STXBP5L: variants seen among roughly 807,000 people sequenced by gnomAD.
STXBP5L encodes syntaxin-binding protein 5-like.
Under a neutral mutation model 144.5 loss-of-function variants are expected in STXBP5L, and 65 were observed. The observed-to-expected ratio is 0.45, with a 90% confidence interval of 0.37 to 0.55. The LOEUF is 0.55. Ranked by LOEUF, STXBP5L falls within the 20% of genes least tolerant of loss-of-function variation. STXBP5L has a pLI of 0.00. For missense variants in STXBP5L, 1,298 were observed against 1,405.5 expected, an observed-to-expected ratio of 0.92 and a Z score of 1.22; for synonymous variants, 505 against 469.6, an observed-to-expected ratio of 1.08 and a Z score of -0.97.
chr3:121,103,120 C>G (rs9884073), intron 5 of STXBP5L, among the ~76,000 whole-genome samples: 12,148 of 152,116 alleles, frequency 0.08, 698 homozygotes, highest in Non-Finnish European at 0.12. Flanking sequence ...TACTAGTTCA[C>G]CTACTGTGGA....
Position 120,908,213 on chromosome 3 carries a change from G to C in STXBP5L, c.-130G>C, listed in dbSNP as rs1245148677. ...AGCCTGCTCTGGAGCCTGACTGCTC[G>C]GTTAGGACCTCGGAGAGCGCCAGGC... On this transcript the variant is annotated 5_prime_UTR_variant, in exon 1 of 27. Coordinates refer to ENST00000471454, the MANE Select transcript of STXBP5L (RefSeq NM_001308330.2). 1.3e-5 allele frequency: 2 copies of C among 152,156 alleles called. No homozygotes were observed. The highest frequency in any genetic ancestry group is 4.8e-5 in the African/African-American group (2 of 41,440). The allele number at this position is 152,156 out of a possible 1,614,324, so 9.4% of individuals were successfully genotyped here. A position where few individuals can be genotyped will look rare whatever the true frequency, so the allele number is the denominator to read the frequency against.
chr3:121,279,595 C>T (rs2050987612), intron 18 of STXBP5L, among the ~76,000 whole-genome samples: 1 of 151,808 alleles, frequency 6.6e-6, no homozygotes, highest in Admixed American at 6.6e-5. Context: ...AATTGCCGAT[C>T]ATCCTTTTTT....
chr3:121,026,585 C>A (rs972376106), intron 3 of STXBP5L, among the ~76,000 whole-genome samples: 1 of 151,862 alleles, frequency 6.6e-6, no homozygotes, highest in Non-Finnish European at 1.5e-5. Flanking sequence ...ATGACCTTAG[C>A]TAATGTAGTT....
rs1026324066 is a variant in STXBP5L, at chr3:120,978,873, G to T, written c.287+23836G>T. On this transcript the variant is annotated intron_variant, in intron 3 of 26. Transcript: ENST00000471454. The stretch of plus-strand genomic sequence containing the variant: ...GCAGAACAGCAGATTTTCGTGAACC[G>T]CGAATGCTGCTGTCTGATCGTTCCT... 5.3e-5 allele frequency among the ~76,000 whole-genome samples: 8 copies of T among 152,296 alleles called. No homozygotes were observed. The East Asian group carries it at 1.5e-3, about 29-fold the overall frequency.
At chr3:121,310,629 C>T (rs1239645730) in intron 19 of STXBP5L, among the ~76,000 whole-genome samples, 1 of 151,364 alleles carries the variant, frequency 6.6e-6, no homozygotes, top group Admixed American at 6.6e-5. Context: ...ACAAAAGAGG[C>T]CAGGCATGGT....
At chr3:121,316,860 C>T (rs1424858923) in intron 19 of STXBP5L, among the ~76,000 whole-genome samples, 1 of 152,110 alleles carries the variant, frequency 6.6e-6, no homozygotes, top group East Asian at 1.9e-4. Context: ...CACTGTTGTT[C>T]CACGTTACTT....
At chr3:120,971,982 A>T (rs1382268566) in intron 3 of STXBP5L, among the ~76,000 whole-genome samples, 1 of 152,070 alleles carries the variant, frequency 6.6e-6, no homozygotes, top group Admixed American at 6.6e-5. Context: ...CAGTGCTGTG[A>T]CCTACTGTGA....
At chr3:120,964,870 G>T (rs567208692) in intron 3 of STXBP5L, among the ~76,000 whole-genome samples, 56 of 152,244 alleles carry the variant, frequency 3.7e-4, no homozygotes, top group African/African-American at 1.1e-3. Context: ...TGACAGTGGG[G>T]TGTTAAAATC....
intron 6 of STXBP5L, among the ~76,000 whole-genome samples, chr3:121,121,423 C>A (rs2044457396): frequency 6.6e-6 from 1 of 150,992 alleles, no homozygotes; most frequent in South Asian, 2.1e-4. Context: ...GTGTTTTAAC[C>A]CGATTTTTAA....
intron 11 of STXBP5L, among the ~76,000 whole-genome samples, chr3:121,226,962 A>G (rs1384318433): frequency 6.6e-6 from 1 of 152,206 alleles, no homozygotes; most frequent in Non-Finnish European, 1.5e-5. Context: ...CAAGCATTTT[A>G]GGCACATTTT....
intron 13 of STXBP5L, among the ~76,000 whole-genome samples, chr3:121,239,722 G>C (rs181007628): frequency 1.3e-4 from 14 of 109,704 alleles, no homozygotes; most frequent in Admixed American, 1.2e-3. Flanking sequence ...GTGGGGGGAG[G>C]GGGGAGGGAT....
intron 19 of STXBP5L, among the ~76,000 whole-genome samples, chr3:121,298,046 G>A (rs922254508): frequency 6.6e-6 from 1 of 152,096 alleles, no homozygotes; most frequent in African/African-American, 2.4e-5. Context: ...ATTTTTTGAT[G>A]AACCTCATTG....
intron 19 of STXBP5L, among the ~76,000 whole-genome samples, chr3:121,291,340 CCTAA>C (rs1252351117): frequency 2.0e-5 from 3 of 152,028 alleles, no homozygotes; most frequent in Admixed American, 6.6e-5. Flanking sequence ...TAGAAATTTA[CCTAA>C]CTAAGGAGGT....
intron 19 of STXBP5L, among the ~76,000 whole-genome samples, chr3:121,310,438 G>A (rs868134297): frequency 3.3e-5 from 5 of 152,062 alleles, no homozygotes; most frequent in Admixed American, 6.6e-5. Context: ...GTGAAACCCC[G>A]TCTCTACTAA....
intron 19 of STXBP5L, among the ~76,000 whole-genome samples, chr3:121,288,725 G>T (rs985201337): frequency 3.3e-5 from 5 of 152,062 alleles, no homozygotes; most frequent in African/African-American, 1.2e-4. Flanking sequence ...ATTTCTTACA[G>T]ATTCTGAGTA....
chr3:121,034,522 C>A (rs905055206), intron 3 of STXBP5L, among the ~76,000 whole-genome samples: 3 of 151,626 alleles, frequency 2.0e-5, no homozygotes, highest in African/African-American at 7.3e-5. Context: ...GTACCTATAT[C>A]ATCTATCTAT....
intron 8 of STXBP5L, among the ~76,000 whole-genome samples, chr3:121,154,463 T>C (rs985265478): frequency 2.0e-5 from 3 of 151,810 alleles, no homozygotes; most frequent in Admixed American, 6.6e-5. Context: ...CAGTTTCTCC[T>C]CCTTAAAATA....
chr3:121,346,198 T>A (rs374317613), intron 20 of STXBP5L, among the ~76,000 whole-genome samples: 1 of 147,654 alleles, frequency 6.8e-6, no homozygotes, highest in South Asian at 2.3e-4. Flanking sequence ...AGTGAGAACA[T>A]GAGTGTTTGA....
chr3:120,942,243 C>G (rs1286468799), intron 2 of STXBP5L, among the ~76,000 whole-genome samples: 1 of 151,556 alleles, frequency 6.6e-6, no homozygotes, highest in Non-Finnish European at 1.5e-5. Flanking sequence ...ATAATTACTT[C>G]TTGAATACTA....
Sources: gnomAD v4.1 joint callset for allele counts (sites outside exome capture counted in the v4.1 genomes callset) on GRCh38, gnomAD v4.1.1 for gene constraint, MANE v1.5 for transcripts, NCBI Gene and HGNC (gene_info 2026-07-23, HGNC 2026-07-21) for gene names.